The following SHLD2 variants were observed in gnomAD, a reference collection of about 807,000 sequenced individuals.
SHLD2 encodes the protein shieldin complex subunit 2.
Under a neutral mutation model 73.2 loss-of-function variants are expected in SHLD2, and 30 were observed. The observed-to-expected ratio is 0.41, with a 90% confidence interval of 0.31 to 0.56. The LOEUF is 0.56. Among genes scored for constraint, SHLD2 ranks in the 20% least tolerant of loss-of-function variants. SHLD2 has a pLI of 0.28. For missense variants in SHLD2, 745 were observed against 1,055.9 expected (o/e 0.71, Z 4.08); for synonymous variants, 285 against 370.1 (o/e 0.77, Z 2.64).
At chr10:87,177,473 G>A (rs918710203) in intron 7 of SHLD2, among the ~76,000 whole-genome samples, 6 of 151,998 alleles carry the variant, frequency 3.9e-5, no homozygotes, top group Non-Finnish European at 8.8e-5. Flanking sequence ...CCAAAACTGT[G>A]CCATTAAAAT....
intron 2 of SHLD2, among the ~76,000 whole-genome samples, chr10:87,112,866 A>C (rs1459037633): frequency 3.9e-5 from 6 of 152,174 alleles, no homozygotes; most frequent in Admixed American, 3.3e-4. Flanking sequence ...AAAGTTAAAC[A>C]TACAGTTGCC....
intron 6 of SHLD2, among the ~76,000 whole-genome samples, chr10:87,171,345 G>A (rs187273998): frequency 1.2e-4 from 19 of 152,234 alleles, no homozygotes; most frequent in African/African-American, 4.6e-4. Context: ...TTATAAGGCA[G>A]ATGTCAAGGG....
intron 2 of SHLD2, among the ~76,000 whole-genome samples, chr10:87,142,985 A>G (rs1187541242): frequency 7.4e-6 from 1 of 135,702 alleles, no homozygotes; most frequent in Non-Finnish European, 1.5e-5. Flanking sequence ...GCTGGAGTGC[A>G]GTGGCACAAT....
intron 2 of SHLD2, among the ~76,000 whole-genome samples, chr10:87,145,221 A>T (rs1307498506): frequency 6.6e-6 from 1 of 152,124 alleles, no homozygotes; most frequent in Non-Finnish European, 1.5e-5. Flanking sequence ...AATTCTTAAA[A>T]GAGTTCGGCA....
At chr10:87,107,383 C>T (rs1814574244) in intron 2 of SHLD2, among the ~76,000 whole-genome samples, 1 of 152,026 alleles carries the variant, frequency 6.6e-6, no homozygotes, top group African/African-American at 2.4e-5. Context: ...CACTGCACTC[C>T]AGCCTGGGCA....
intron 2 of SHLD2, among the ~76,000 whole-genome samples, chr10:87,128,863 GTTTT>G (rs990272449): frequency 6.6e-6 from 1 of 151,954 alleles, no homozygotes; most frequent in Non-Finnish European, 1.5e-5. Context: ...TGTTGTTTTT[GTTTT>G]TTAATTTTTA....
chr10:87,105,093 C>A (rs947531372), intron 2 of SHLD2, among the ~76,000 whole-genome samples: 4 of 152,134 alleles, frequency 2.6e-5, no homozygotes, highest in African/African-American at 9.7e-5. Flanking sequence ...ATTCAAGATG[C>A]CTTGCCATTC....
intron 2 of SHLD2, among the ~76,000 whole-genome samples, chr10:87,141,532 G>A (rs539148521): frequency 6.6e-6 from 1 of 152,066 alleles, no homozygotes; most frequent in Non-Finnish European, 1.5e-5. Context: ...AGTCCACCAC[G>A]TTAGCCAGGC....
At chr10:87,163,268 A>G (rs1846950885) in intron 4 of SHLD2, among the ~76,000 whole-genome samples, 1 of 152,140 alleles carries the variant, frequency 6.6e-6, no homozygotes, top group South Asian at 2.1e-4. Flanking sequence ...ATAAGAAAAT[A>G]CCTCGGTTTA....
chr10:87,173,183 A>C (rs1286887144), intron 6 of SHLD2, among the ~76,000 whole-genome samples: 1 of 151,374 alleles, frequency 6.6e-6, no homozygotes, highest in African/African-American at 2.4e-5. Context: ...ATGTGCCGTC[A>C]TGCCCAGCTT....
At chr10:87,148,949 A>G (rs1845827397) in intron 2 of SHLD2, among the ~76,000 whole-genome samples, 1 of 147,438 alleles carries the variant, frequency 6.8e-6, no homozygotes, top group South Asian at 2.2e-4. Flanking sequence ...GCTGGAGTGC[A>G]GTGGCATGAT....
At chr10:87,095,063 G>C (rs1480263139), upstream of SHLD2, 4 of 144,232 alleles carry the variant, frequency 2.8e-5, no homozygotes, top group Non-Finnish European at 1.5e-5. Context: ...GGCGGGCTCG[G>C]CGCGCACGCT....
intron 2 of SHLD2, among the ~76,000 whole-genome samples, chr10:87,119,722 G>A (rs1444656370): frequency 1.3e-5 from 2 of 151,250 alleles, no homozygotes; most frequent in South Asian, 4.2e-4. Flanking sequence ...AGGTTGCAGT[G>A]AGCCAAGATC....
chr10:87,127,529 G>T (rs867333021), intron 2 of SHLD2, among the ~76,000 whole-genome samples: 8 of 24,360 alleles, frequency 3.3e-4, no homozygotes, highest in African/African-American at 5.8e-4. Flanking sequence ...CCTCTTACCC[G>T]CCCCCCCCCA....
chr10:87,109,287 C>T (rs893981758), intron 2 of SHLD2, among the ~76,000 whole-genome samples: 1 of 151,842 alleles, frequency 6.6e-6, no homozygotes, highest in African/African-American at 2.4e-5. Context: ...TTTTCTTACC[C>T]TTCCGCAAAT....
chr10:87,180,891 A>C (rs551769856), intron 8 of SHLD2, among the ~76,000 whole-genome samples: 3 of 152,328 alleles, frequency 2.0e-5, no homozygotes, highest in Admixed American at 2.0e-4. Flanking sequence ...CCTTATGATT[A>C]TTTCTAAATA....
At chr10:87,167,574 A>G (rs912643040) in intron 4 of SHLD2, among the ~76,000 whole-genome samples, 2 of 152,168 alleles carry the variant, frequency 1.3e-5, no homozygotes, top group Non-Finnish European at 2.9e-5. Context: ...CTTCTGGGAA[A>G]TAATTATGAT....
At chr10:87,129,176 C>T (rs1448493765) in intron 2 of SHLD2, among the ~76,000 whole-genome samples, 4 of 152,142 alleles carry the variant, frequency 2.6e-5, no homozygotes, top group East Asian at 3.9e-4. Flanking sequence ...CTGCAACCTC[C>T]GCCTACTGGG....
intron 2 of SHLD2, among the ~76,000 whole-genome samples, chr10:87,109,383 C>G (rs534185331): frequency 1.3e-5 from 2 of 151,722 alleles, no homozygotes; most frequent in African/African-American, 2.4e-5. Flanking sequence ...ACTGCAGCCT[C>G]TGCCTCCTAG....
Sources: allele counts gnomAD v4.1 joint callset (sites outside exome capture counted in the v4.1 genomes callset), GRCh38; gene constraint gnomAD v4.1.1; transcripts MANE v1.5; gene names NCBI Gene and HGNC (gene_info 2026-07-23, HGNC 2026-07-21).